Variants in SMCO2 observed in about 807,000 individuals in gnomAD.
SMCO2 encodes the protein single-pass membrane and coiled-coil domain-containing protein 2.
SMCO2 carries 25 observed loss-of-function variants against 29.5 expected under a neutral mutation model. The ratio of observed to expected loss-of-function variants is 0.85; its 90% confidence interval spans 0.62 to 1.18. SMCO2 has a LOEUF of 1.18. Ranked by LOEUF, SMCO2 falls within the 50% of genes most tolerant of loss-of-function variation. SMCO2 has a pLI of 0.00. For missense variants in SMCO2, 348 were observed against 344.5 expected, an observed-to-expected ratio of 1.01 and a Z score of -0.08; for synonymous variants, 117 against 123.3, an observed-to-expected ratio of 0.95 and a Z score of 0.34.
At chr12:27,494,444 C>T (rs367820483) in intron 6 of SMCO2, 88 bp downstream of exon 7, 23 of 604,752 alleles carry the variant, frequency 3.8e-5, no homozygotes, top group Middle Eastern at 2.8e-4. Context: ...TAGAATATGA[C>T]GGTGCACCAC....
intron 2 of SMCO2, among the ~76,000 whole-genome samples, chr12:27,472,466 A>G (rs371122856): frequency 2.6e-5 from 4 of 152,238 alleles, no homozygotes; most frequent in Non-Finnish European, 2.9e-5. Context: ...ATATTAATTT[A>G]CTTATTTGTT....
chr12:27,435,024 T>C, the SMCO2 span, among the ~76,000 whole-genome samples: 1 of 152,130 alleles, frequency 6.6e-6, no homozygotes, highest in East Asian at 1.9e-4. Flanking sequence ...TAAACTGTGC[T>C]GAGAAGCTGG....
chr12:27,470,761 C>T lies in SMCO2; in HGVS notation c.130C>T (p.Gln44Ter), dbSNP rs1224147647. 3.2e-6 allele frequency: 5 copies of T among 1,550,316 alleles called. No homozygotes were observed. The African/African-American group carries it at 6.9e-5, about 21-fold the overall frequency. The change falls in exon 2 of 8, where the codon CAG (glutamine) becomes TAG (stop). Residue 44 changes from glutamine to a stop codon, truncating the protein, a stop_gained. Transcript: ENST00000298876. LOFTEE classifies it high-confidence loss of function. ...GCTCAATGTGACTGAAGGTGCAATG[C>T]AGGAGTAAGTCAGAACTGAGCTTGC...
upstream of SMCO2, among the ~76,000 whole-genome samples, chr12:27,465,837 G>A (rs1475638623): frequency 1.3e-5 from 2 of 152,184 alleles, no homozygotes; most frequent in Non-Finnish European, 2.9e-5. Context: ...TGATTCTAAA[G>A]TTTATGTTTT....
intron 4 of SMCO2, among the ~76,000 whole-genome samples, chr12:27,488,086 G>T (rs1432157039): frequency 1.3e-5 from 2 of 151,930 alleles, no homozygotes; most frequent in Non-Finnish European, 2.9e-5. Flanking sequence ...TTTTAATTTT[G>T]ATGAGGTTCA....
At chr12:27,442,834 A>T in the SMCO2 span, among the ~76,000 whole-genome samples, 1 of 152,130 alleles carries the variant, frequency 6.6e-6, no homozygotes, top group African/African-American at 2.4e-5. Context: ...GTTGCCCAGG[A>T]TGATCTTGAA....
At chr12:27,489,047 CTT>C (rs1293736266) in intron 5 of SMCO2, among the ~76,000 whole-genome samples, 2 of 151,884 alleles carry the variant, frequency 1.3e-5, no homozygotes, top group African/African-American at 2.4e-5. Context: ...TAATTTTCCA[CTT>C]TCTTTCCTTT....
intron 4 of SMCO2, among the ~76,000 whole-genome samples, chr12:27,482,761 C>G (rs773529583): frequency 6.6e-6 from 1 of 152,148 alleles, no homozygotes; most frequent in Non-Finnish European, 1.5e-5. Flanking sequence ...GACAAGGTCT[C>G]GCTCTGTTGC....
chr12:27,479,220 G>C (rs529719807), intron 4 of SMCO2, among the ~76,000 whole-genome samples: 1 of 152,258 alleles, frequency 6.6e-6, no homozygotes, highest in Admixed American at 6.5e-5. Flanking sequence ...GGCAGGCCTG[G>C]TTGGCTGATA....
At chr12:27,496,135 A>T (rs1055743283) in intron 7 of SMCO2, among the ~76,000 whole-genome samples, 1 of 150,394 alleles carries the variant, frequency 6.6e-6, no homozygotes, top group Admixed American at 6.6e-5. Context: ...ATATAGATAG[A>T]TATATCTTCA....
chr12:27,478,497 C>G (rs1212732541), intron 4 of SMCO2, among the ~76,000 whole-genome samples: 1 of 152,172 alleles, frequency 6.6e-6, no homozygotes, highest in South Asian at 2.1e-4. Flanking sequence ...ATAGTAGCAG[C>G]AGGCCAATCC....
At chr12:27,464,162 C>T (rs766987200), upstream of SMCO2, among the ~76,000 whole-genome samples, 4 of 152,142 alleles carry the variant, frequency 2.6e-5, no homozygotes, top group Non-Finnish European at 4.4e-5. Flanking sequence ...CATGCTTTCT[C>T]TGAGATAGAA....
intron 5 of SMCO2, among the ~76,000 whole-genome samples, chr12:27,489,488 T>A (rs1949717851): frequency 6.6e-6 from 1 of 151,912 alleles, no homozygotes; most frequent in Admixed American, 6.5e-5. Flanking sequence ...AAAAAGTCTG[T>A]GTCTAACAAC....
intron 4 of SMCO2, among the ~76,000 whole-genome samples, chr12:27,477,721 A>G (rs1033437533): frequency 7.4e-6 from 1 of 135,158 alleles, no homozygotes. Flanking sequence ...GATCTAGTCT[A>G]TTATTTCAGC....
intron 4 of SMCO2, among the ~76,000 whole-genome samples, chr12:27,476,483 T>C (rs1949587397): frequency 1.3e-5 from 2 of 152,202 alleles, no homozygotes; most frequent in South Asian, 2.1e-4. Flanking sequence ...TGTTATTGTA[T>C]TGAAGTCTGT....
intron 1 of SMCO2, among the ~76,000 whole-genome samples, chr12:27,467,998 C>T (rs557875229): frequency 2.2e-4 from 33 of 152,250 alleles, no homozygotes; most frequent in African/African-American, 7.7e-4. Flanking sequence ...ATAGATAGAT[C>T]GATAACATTG....
chr12:27,493,180 G>C (rs1942950260), intron 5 of SMCO2, among the ~76,000 whole-genome samples: 1 of 152,142 alleles, frequency 6.6e-6, no homozygotes, highest in Admixed American at 6.5e-5. Context: ...GTCTACTTGA[G>C]GGTGGAGGGT....
chr12:27,466,038 G>A (rs1811503430), upstream of SMCO2, among the ~76,000 whole-genome samples: 1 of 152,154 alleles, frequency 6.6e-6, no homozygotes, highest in African/African-American at 2.4e-5. Context: ...GAAGGTGAAG[G>A]TGTGTTGTAA....
chr12:27,462,627 G>A (rs544235440), upstream of SMCO2, among the ~76,000 whole-genome samples: 92 of 152,294 alleles, frequency 6.0e-4, no homozygotes, highest in African/African-American at 2.0e-3. Flanking sequence ...AATGACAGAA[G>A]TGAAGCTCGG....
Sources: gnomAD v4.1 joint callset for allele counts (sites outside exome capture counted in the v4.1 genomes callset) on GRCh38, gnomAD v4.1.1 for gene constraint, MANE v1.5 for transcripts, NCBI Gene and HGNC (gene_info 2026-07-23, HGNC 2026-07-21) for gene names.